The following TRHDE variants were observed in gnomAD, a reference collection of about 807,000 sequenced individuals.
TRHDE encodes thyrotropin-releasing hormone-degrading ectoenzyme.
TRHDE carries 72 observed loss-of-function variants against 125.7 expected under a neutral mutation model. The ratio of observed to expected loss-of-function variants is 0.57; its 90% CI spans 0.47 to 0.70. The LOEUF is 0.70. TRHDE is among the 30% of genes least tolerant of loss of function. TRHDE has a pLI of 0.00. For missense variants in TRHDE, 1,110 were observed against 1,327.1 expected, an observed-to-expected ratio of 0.84 and a Z score of 2.54; for synonymous variants, 509 against 509.1, an observed-to-expected ratio of 1.00 and a Z score of 0.00.
Position 72,410,228 on chromosome 12 carries a change from G to T in TRHDE, c.1315+32107G>T, listed in dbSNP as rs539477092. Among the ~76,000 whole-genome samples the T allele has an allele frequency of 6.6e-4, 100 of 151,908 alleles. 1 individual carries two copies. Among genetic ancestry groups the T allele is most frequent in the Middle Eastern group, 7.1e-3 (2 of 282 alleles). The stretch of plus-strand genomic sequence containing the variant: ...ACAAACAAATATATATATATTAATA[G>T]TATTTTATCCATTAAGTAAACAAAA... On this transcript the variant is annotated intron_variant, in intron 3 of 18. Coordinates refer to ENST00000261180, the MANE Select transcript of TRHDE (RefSeq NM_013381.3).
At chr12:72,308,984 A>C (rs1371184896) in intron 2 of TRHDE, among the ~76,000 whole-genome samples, 1 of 148,192 alleles carries the variant, frequency 6.7e-6, no homozygotes, top group Non-Finnish European at 1.5e-5. Flanking sequence ...TGTCACTTTG[A>C]GTTTATTTTT....
chr12:72,199,452 C>A (rs1448923430), intron 2 of TRHDE, among the ~76,000 whole-genome samples: 1 of 152,088 alleles, frequency 6.6e-6, no homozygotes, highest in South Asian at 2.1e-4. Flanking sequence ...GCCTGTTGGG[C>A]TGGTGAAACT....
At chr12:72,422,615 T>G (rs1565735481) in intron 3 of TRHDE, among the ~76,000 whole-genome samples, 2 of 152,216 alleles carry the variant, frequency 1.3e-5, no homozygotes, top group Non-Finnish European at 2.9e-5. Flanking sequence ...CAAATTTATT[T>G]CTGTGAGAGA....
chr12:72,344,553 G>A (rs1471087108), intron 2 of TRHDE, among the ~76,000 whole-genome samples: 1 of 152,092 alleles, frequency 6.6e-6, no homozygotes, highest in Non-Finnish European at 1.5e-5. Flanking sequence ...CGTGTGCCAT[G>A]TCCTGGTTTG....
At position 72,356,163 on chromosome 12, in the gene TRHDE, A is replaced by G. The variant is rs1870809275; in HGVS notation, c.1189-21832A>G. Reference sequence around the variant, plus strand: ...TAAATGCCCATCAATAGTATACTGGATAGAGAGAATGTAGTACATACACAC... The same window carrying G: ...TAAATGCCCATCAATAGTATACTGGGTAGAGAGAATGTAGTACATACACAC... On this transcript the variant is annotated intron_variant, in intron 2 of 18. Coordinates refer to ENST00000261180, the MANE Select transcript of TRHDE (RefSeq NM_013381.3). Among the ~76,000 whole-genome samples, 12 of 151,802 alleles carry G rather than the reference A, an allele frequency of 7.9e-5. 2 individuals are homozygous for G. In the Admixed American group the frequency reaches 7.9e-4, roughly 10 times the overall value.
intron 1 of TRHDE, among the ~76,000 whole-genome samples, chr12:72,276,304 T>C (rs988298131): frequency 6.6e-6 from 1 of 152,238 alleles, no homozygotes; most frequent in East Asian, 1.9e-4. Context: ...TAGTTAGATA[T>C]AATTTTGCCA....
At chr12:72,649,315 A>G (rs1874410472) in intron 15 of TRHDE, among the ~76,000 whole-genome samples, 1 of 152,156 alleles carries the variant, frequency 6.6e-6, no homozygotes, top group African/African-American at 2.4e-5. Flanking sequence ...GTTTTCAACA[A>G]ATTGTGCTGG....
At chr12:72,437,057 C>T (rs151338396) in intron 3 of TRHDE, among the ~76,000 whole-genome samples, 1 of 151,860 alleles carries the variant, frequency 6.6e-6, no homozygotes, top group East Asian at 1.9e-4. Context: ...GAATACAAGC[C>T]AGACTGAGCA....
intron 6 of TRHDE, among the ~76,000 whole-genome samples, chr12:72,508,158 G>A (rs1878434530): frequency 6.6e-6 from 1 of 152,240 alleles, no homozygotes; most frequent in Non-Finnish European, 1.5e-5. Flanking sequence ...GTGTGGAGGG[G>A]AAATGTGGGG....
intron 2 of TRHDE, among the ~76,000 whole-genome samples, chr12:72,315,663 A>G (rs1037505237): frequency 9.8e-5 from 15 of 152,382 alleles, no homozygotes; most frequent in African/African-American, 3.4e-4. Flanking sequence ...GGTTGGCCAC[A>G]GGAGCCCAGG....
intron 3 of TRHDE, among the ~76,000 whole-genome samples, chr12:72,388,057 T>A (rs752791854): frequency 6.6e-6 from 1 of 151,942 alleles, no homozygotes; most frequent in Non-Finnish European, 1.5e-5. Context: ...TCTCATTTAT[T>A]TCCCTCCTAC....
At chr12:72,100,228 T>TAA (rs1399973076) in intron 1 of TRHDE, among the ~76,000 whole-genome samples, 2 of 152,196 alleles carry the variant, frequency 1.3e-5, no homozygotes, top group Non-Finnish European at 2.9e-5. Context: ...TAATACTGTG[T>TAA]AAGGCTTTTT....
At chr12:72,635,771 A>G (rs2136091915) in intron 15 of TRHDE, among the ~76,000 whole-genome samples, 1 of 152,110 alleles carries the variant, frequency 6.6e-6, no homozygotes, top group South Asian at 2.1e-4. Flanking sequence ...TCCTTTCCCC[A>G]TTGCTTGTTT....
At chr12:72,565,042 G>C (rs1405032012) in intron 9 of TRHDE, among the ~76,000 whole-genome samples, 1 of 144,446 alleles carries the variant, frequency 6.9e-6, no homozygotes, top group Non-Finnish European at 1.5e-5. Flanking sequence ...AAAAATGACT[G>C]ACTTTCTATT....
At chr12:72,337,552 T>G (rs1311768699) in intron 2 of TRHDE, among the ~76,000 whole-genome samples, 2 of 152,098 alleles carry the variant, frequency 1.3e-5, no homozygotes. Context: ...TATGATCAGG[T>G]TCCCTCCTTG....
Position 72,410,199 on chromosome 12 carries a change from G to C in TRHDE, c.1315+32078G>C, listed in dbSNP as rs569020042. Reference sequence around the variant, plus strand: ...TTCCTAGAAAAACAAACTTACTAATGTTGACAAACAAATATATATATATTA... The same window carrying C: ...TTCCTAGAAAAACAAACTTACTAATCTTGACAAACAAATATATATATATTA... On this transcript the variant is annotated intron_variant, in intron 3 of 18. Transcript: ENST00000261180. 2.6e-5 allele frequency among the ~76,000 whole-genome samples: 4 copies of C among 151,794 alleles called. No homozygotes were observed. The East Asian group carries it at 7.7e-4, about 29-fold the overall frequency.
chr12:72,549,373 T>C (rs921109253), intron 7 of TRHDE, among the ~76,000 whole-genome samples: 6 of 151,824 alleles, frequency 4.0e-5, no homozygotes, highest in Non-Finnish European at 8.8e-5. Context: ...CAGAAAATCA[T>C]AGAGGAGCAG....
intron 1 of TRHDE, among the ~76,000 whole-genome samples, chr12:72,278,788 T>C (rs1156840748): frequency 3.3e-5 from 5 of 152,182 alleles, no homozygotes; most frequent in African/African-American, 1.2e-4. Context: ...AAAAATCAGA[T>C]TTTGTTTTTT....
intron 2 of TRHDE, among the ~76,000 whole-genome samples, chr12:72,330,340 A>AC (rs1565701093): frequency 2.6e-5 from 4 of 152,070 alleles, no homozygotes; most frequent in South Asian, 4.2e-4. Flanking sequence ...TAAAAAAAAA[A>AC]AAACCAAAAC....
Sources: allele counts gnomAD v4.1 joint callset (sites outside exome capture counted in the v4.1 genomes callset), GRCh38; gene constraint gnomAD v4.1.1; transcripts MANE v1.5; gene names NCBI Gene and HGNC (gene_info 2026-07-23, HGNC 2026-07-21).